Variants in RAB14 observed in about 807,000 individuals in gnomAD.
RAB14 encodes RAB14, member RAS oncogene family.
RAB14 carries 3 observed loss-of-function variants against 31.1 expected under a neutral mutation model. That is an observed-to-expected ratio of 0.10 (90% CI 0.04 to 0.25). The LOEUF (loss-of-function observed/expected upper bound fraction) is 0.25. Ranked by LOEUF, RAB14 falls within the 10% of genes least tolerant of loss-of-function variation. The pLI is 1.00. For missense variants in RAB14, 111 were observed against 260.1 expected (o/e 0.43, Z 3.94); for synonymous variants, 85 against 84.9 (o/e 1.00, Z 0.00).
At chr9:121,192,249 G>A (rs1418538138) in intron 2 of RAB14, 25 bp from the exon 3 acceptor site, 1 of 1,554,042 alleles carries the variant, frequency 6.4e-7, no homozygotes, top group African/African-American at 1.4e-5. Context: ...AGAAGTTTCA[G>A]GTGGCAATTA....
Position 121,193,774 on chromosome 9 carries a change from C to T in RAB14, c.-7-355G>A, listed in dbSNP as rs575987796. Among the ~76,000 whole-genome samples the T allele has an allele frequency of 2.0e-5, 3 of 152,204 alleles. No homozygotes were observed. In the South Asian group the frequency reaches 6.2e-4, roughly 32 times the overall value. On this transcript the variant is annotated intron_variant, in intron 1 of 7. Transcript: ENST00000373840. The stretch of plus-strand genomic sequence containing the variant: ...AAAATCTTTATAAATTTAAGTTAAA[C>T]ATCACTATAGTCTCTTCTCCCCTTA...
intron 3 of RAB14, among the ~76,000 whole-genome samples, chr9:121,191,274 T>C (rs1049127705): frequency 3.9e-5 from 6 of 152,152 alleles, no homozygotes; most frequent in African/African-American, 1.2e-4. Context: ...TAGGAGTTGT[T>C]AGTCAAACAG....
At position 121,190,716 on chromosome 9, in the gene RAB14, G is replaced by A. The variant is rs1284693347; in HGVS notation, c.122C>T (p.Pro41Leu). 1 of 1,612,844 alleles carries A rather than the reference G, an allele frequency of 6.2e-7. No homozygotes were observed. The highest frequency in any genetic ancestry group is 1.7e-5 in the Admixed American group (1 of 59,832). The change falls in exon 4 of 8, where the codon CCT (proline) becomes CTT (leucine). Residue 41 changes from proline to leucine, a missense_variant. Coordinates refer to ENST00000373840, the MANE Select transcript of RAB14 (RefSeq NM_016322.4). ...ACCAAATTCAACACCAATTGTGTGA[G>A]GACAATCAGCCATAACTGTTAAGGA... ...FTEKKFMADC[P>L]HTIGVEFGTR...
chr9:121,191,207 C>T (rs989843372), intron 3 of RAB14, among the ~76,000 whole-genome samples: 2 of 152,062 alleles, frequency 1.3e-5, no homozygotes, highest in African/African-American at 4.8e-5. Context: ...AACATTATAC[C>T]ATTTAGCCTT....
intron 1 of RAB14, among the ~76,000 whole-genome samples, chr9:121,196,570 C>G (rs888184900): frequency 6.6e-6 from 1 of 152,150 alleles, no homozygotes; most frequent in Non-Finnish European, 1.5e-5. Flanking sequence ...ACAGCCAAGT[C>G]TGTACTGAAC....
Position 121,193,964 on chromosome 9 carries a change from G to A in RAB14, c.-7-545C>T, listed in dbSNP as rs1180209055. ...ACAGTTAGCAGCGCAAAGAGCAATC[G>A]TATGATTTCCAAATCAATGTTGGAA... On this transcript the variant is annotated intron_variant, in intron 1 of 7. Coordinates refer to ENST00000373840, the MANE Select transcript of RAB14 (RefSeq NM_016322.4). Among the ~76,000 whole-genome samples, 9 of 152,144 alleles carry A rather than the reference G, an allele frequency of 5.9e-5. No individual in the cohort carries two copies. The South Asian group carries it at 1.9e-3, about 32-fold the overall frequency.
chr9:121,192,049 G>A (rs1030116851), intron 3 of RAB14, 122 bp downstream of exon 3: 2 of 663,894 alleles, frequency 3.0e-6, no homozygotes, highest in Non-Finnish European at 2.3e-6. Context: ...TTTAAAAAAA[G>A]TACAAATATA....
rs2053615335 is a variant in RAB14, at chr9:121,178,893, G to C, written c.*2503C>G. On this transcript the variant is annotated 3_prime_UTR_variant, in exon 8 of 8. Transcript: ENST00000373840. ...GTAAGCTATGGATTAAAAATTAAAA[G>C]GATTTCACATTCTTTCCAAAGTGTA... 6.6e-6 allele frequency: 1 copy of C among 152,162 alleles called. No homozygotes were observed. The allele number at this position is 152,162 out of a possible 1,614,324, so 9.4% of individuals were successfully genotyped here. A position where few individuals can be genotyped will look rare whatever the true frequency, so the allele number is the denominator to read the frequency against.
intron 1 of RAB14, among the ~76,000 whole-genome samples, chr9:121,196,132 G>C (rs957535315): frequency 6.6e-6 from 1 of 151,886 alleles, no homozygotes; most frequent in African/African-American, 2.4e-5. Context: ...ATGCTGGTCT[G>C]GTTCAAACTC....
chr9:121,183,446 TA>T (rs779017726), intron 5 of RAB14, 48 bp from the exon 6 acceptor site: 2 of 1,406,748 alleles, frequency 1.4e-6, no homozygotes, highest in East Asian at 4.6e-5. Flanking sequence ...AGCAGTAATT[TA>T]AACCAACCAT....
chr9:121,191,074 T>C (rs1028435462), intron 3 of RAB14, among the ~76,000 whole-genome samples: 1 of 152,156 alleles, frequency 6.6e-6, no homozygotes, highest in African/African-American at 2.4e-5. Context: ...TGTATTCCAA[T>C]AAATTTTATT....
In RAB14 at chr9:121,192,203, G is replaced by T; in HGVS notation, c.74C>A (p.Ser25Tyr). The change falls in exon 3 of 8, where the codon TCT (serine) becomes TAT (tyrosine). Residue 25 changes from serine to tyrosine, a missense_variant. Physicochemically the swap from Ser to Tyr is moderately radical, Grantham distance 144. Transcript: ENST00000373840. ...TTCTGTAAATTGATGAAGCAAGCAA[G>T]ATTTTCCTACTCCCATGTCCCCTGT... ...IIIGDMGVGK[S>Y]CLLHQFTEKK... The T allele has an allele frequency of 6.3e-7, 1 of 1,598,978 alleles. No individual in the cohort carries two copies. The highest frequency in any genetic ancestry group is 8.5e-7 in the Non-Finnish European group (1 of 1,171,324).
intron 1 of RAB14, among the ~76,000 whole-genome samples, chr9:121,196,166 T>A (rs1378116695): frequency 6.6e-6 from 1 of 152,036 alleles, no homozygotes; most frequent in Non-Finnish European, 1.5e-5. Flanking sequence ...CCACTTAACA[T>A]TACAATCCCC....
chr9:121,194,776 CAT>C (rs2053706081), intron 1 of RAB14, among the ~76,000 whole-genome samples: 4 of 152,098 alleles, frequency 2.6e-5, no homozygotes, highest in Admixed American at 2.6e-4. Flanking sequence ...TATATAACAA[CAT>C]TGAACCCGTA....
rs2053632524 is a variant in RAB14 at position 121,181,456 on chromosome 9, G to T, written c.588C>A (p.Ala196=). 6.2e-7 allele frequency: 1 copy of T among 1,612,572 alleles called. No homozygotes were observed. Among genetic ancestry groups the T allele is most frequent in the Non-Finnish European group, 8.5e-7 (1 of 1,178,890 alleles). ...CACTGGTTAGCCGGCCTCCCTGCGG[G>T]GCTGAAGGTTTGTGTTGTACACCAG... ...AESGVQHKPS[A]PQGGRLTSEP... The change falls in exon 8 of 8, where the codon GCC becomes GCA. Residue 196 remains alanine, a synonymous_variant. Transcript: ENST00000373840.
intron 1 of RAB14, among the ~76,000 whole-genome samples, chr9:121,200,238 A>G (rs1012013457): frequency 2.6e-5 from 4 of 152,244 alleles, no homozygotes; most frequent in African/African-American, 9.6e-5. Flanking sequence ...CTTGGAAGAA[A>G]AAATTTGGAA....
At position 121,186,437 on chromosome 9, in the gene RAB14, C is replaced by G. The variant is rs1304160733; in HGVS notation, c.351+516G>C. Among the ~76,000 whole-genome samples the G allele has an allele frequency of 2.0e-5, 3 of 152,106 alleles. No individual in the cohort carries two copies. The East Asian group carries it at 5.8e-4, about 29-fold the overall frequency. ...TAGCATGGTGGCTAGCCTTTAAAAT[C>G]TCAATAAATATCATCTCAGTCTGGT... On this transcript the variant is annotated intron_variant, in intron 5 of 7. Transcript: ENST00000373840.
chr9:121,190,434 A>C (rs1339275559), intron 4 of RAB14, 120 bp downstream of exon 4: 17 of 930,666 alleles, frequency 1.8e-5, no homozygotes, highest in Admixed American at 1.0e-4. Flanking sequence ...ACCATAAAAA[A>C]CAAGTAAGTT....
chr9:121,183,288 C>G (rs770648138), intron 6 of RAB14, 23 bp downstream of exon 6: 13 of 1,568,040 alleles, frequency 8.3e-6, no homozygotes, highest in Admixed American at 5.1e-5. Context: ...CAATTGTGAC[C>G]ATTAAGTCTT....
Sources: gnomAD v4.1 joint callset for allele counts (sites outside exome capture counted in the v4.1 genomes callset) on GRCh38, gnomAD v4.1.1 for gene constraint, MANE v1.5 for transcripts, NCBI Gene and HGNC (gene_info 2026-07-23, HGNC 2026-07-21) for gene names.